PTDSS1: variants seen among roughly 807,000 people sequenced by gnomAD.
The protein encoded by PTDSS1 is PSS-1.
Under a neutral mutation model 70.5 loss-of-function variants are expected in PTDSS1, and 45 were observed. The ratio of observed to expected loss-of-function variants is 0.64; its 90% CI spans 0.50 to 0.82. PTDSS1 has a LOEUF of 0.82. PTDSS1 is among the 40% of genes least tolerant of loss of function. The probability of loss-of-function intolerance (pLI) is 0.00; values close to 1 mark genes in which losing one functional copy is unlikely to be tolerated. For missense variants in PTDSS1, 417 were observed against 586.1 expected (o/e 0.71, Z 2.98); for synonymous variants, 188 against 203.8 (o/e 0.92, Z 0.66).
Position 96,309,553 on chromosome 8 carries a change from T to C in PTDSS1, c.1008-4T>C. On this transcript the variant is annotated splice_region_variant and splice_polypyrimidine_tract_variant and intron_variant, in intron 8 of 12. Coordinates refer to ENST00000517309, the MANE Select transcript of PTDSS1 (RefSeq NM_014754.3). ...CTCAATGAATTCCAACTTTGTTCTT[T>C]CAGACAGTACTACGCTTACCTCACC... 1.9e-6 allele frequency: 3 copies of C among 1,612,802 alleles called. No homozygotes were observed. Among genetic ancestry groups the C allele is most frequent in the Non-Finnish European group, 2.5e-6 (3 of 1,179,012 alleles).
chr8:96,283,137 A>T (rs1477250162), intron 2 of PTDSS1, among the ~76,000 whole-genome samples: 39 of 151,996 alleles, frequency 2.6e-4, no homozygotes, highest in Admixed American at 2.6e-3. Flanking sequence ...AGCTGTACCT[A>T]CTCCCTTTAC....
intron 8 of PTDSS1, among the ~76,000 whole-genome samples, chr8:96,308,431 C>T (rs1408797253): frequency 6.6e-6 from 1 of 152,160 alleles, no homozygotes; most frequent in East Asian, 1.9e-4. Flanking sequence ...AACTTTAATG[C>T]AAAGTGTTAT....
At chr8:96,332,742 C>G (rs575260268) in intron 12 of PTDSS1, among the ~76,000 whole-genome samples, 1 of 152,322 alleles carries the variant, frequency 6.6e-6, no homozygotes, top group Admixed American at 6.5e-5. Flanking sequence ...ATCTCTTAGT[C>G]TAAGTCAAAT....
chr8:96,326,490 G>A (rs1033733918), intron 10 of PTDSS1, among the ~76,000 whole-genome samples: 7 of 152,220 alleles, frequency 4.6e-5, no homozygotes, highest in Admixed American at 1.3e-4. Context: ...CGGCAGCTTC[G>A]TGGAGAATAA....
At chr8:96,298,907 G>T (rs559821281) in intron 5 of PTDSS1, among the ~76,000 whole-genome samples, 259 of 152,148 alleles carry the variant, frequency 1.7e-3, no homozygotes, top group African/African-American at 5.9e-3. Context: ...GGGCATGGTG[G>T]TGTGTGCTTA....
intron 9 of PTDSS1, among the ~76,000 whole-genome samples, chr8:96,311,455 ACT>A (rs1288552082): frequency 6.6e-6 from 1 of 152,226 alleles, no homozygotes; most frequent in Non-Finnish European, 1.5e-5. Context: ...TCTAGAAGGA[ACT>A]AAAGATCACC....
At chr8:96,324,631 C>T (rs918143555) in intron 10 of PTDSS1, among the ~76,000 whole-genome samples, 4 of 152,130 alleles carry the variant, frequency 2.6e-5, no homozygotes, top group African/African-American at 7.2e-5. Context: ...TTATCAGGAA[C>T]CCACTCCCAA....
chr8:96,297,539 G>A (rs1287376392), intron 5 of PTDSS1, among the ~76,000 whole-genome samples: 2 of 152,192 alleles, frequency 1.3e-5, no homozygotes, highest in African/African-American at 4.8e-5. Context: ...CAGGTTCACC[G>A]GCCCCTGCCT....
chr8:96,333,934 T>C lies in PTDSS1; in HGVS notation c.*368T>C. On this transcript the variant is annotated 3_prime_UTR_variant, in exon 13 of 13. Transcript: ENST00000517309. ...AAACATCTTCCTTCAGACGAGGCAT[T>C]AACCCCATGGTTAATGGACTGGTCA... 1.7e-6 allele frequency: 1 copy of C among 578,802 alleles called. No individual in the cohort carries two copies. Among genetic ancestry groups the C allele is most frequent in the Non-Finnish European group, 3.1e-6 (1 of 325,268 alleles). The allele number at this position is 578,802 out of a possible 1,614,324, so 35.9% of individuals were successfully genotyped here.
rs769236117 is a variant in PTDSS1 at position 96,309,581 on chromosome 8, C to T, written c.1032C>T (p.Asp344=). ...GACAGTACTACGCTTACCTCACCGA[C>T]ACACAGTGCAAGCGCGTAGGAACAC... is the stretch of plus-strand genomic sequence containing the variant. ...TVRQYYAYLT[D]TQCKRVGTQC... The change falls in exon 9 of 13, where the codon GAC becomes GAT. Residue 344 remains aspartate (D), a synonymous_variant. Transcript: ENST00000517309. 12 of 1,613,914 alleles carry T rather than the reference C, an allele frequency of 7.4e-6. No homozygotes were observed. Among genetic ancestry groups the T allele is most frequent in the African/African-American group, 4.0e-5 (3 of 74,896 alleles).
chr8:96,295,895 G>A (rs1396460419), intron 5 of PTDSS1, among the ~76,000 whole-genome samples: 1 of 152,162 alleles, frequency 6.6e-6, no homozygotes. Flanking sequence ...ACTTAGAGAC[G>A]TGTGCCAACT....
intron 1 of PTDSS1, among the ~76,000 whole-genome samples, chr8:96,271,378 C>T (rs1335103388): frequency 1.3e-5 from 2 of 152,022 alleles, no homozygotes; most frequent in Non-Finnish European, 2.9e-5. Context: ...AAAAAGCTTC[C>T]TTGTTTTTTT....
rs1004023054 is a variant in PTDSS1, at chr8:96,261,920, T to G, written c.-121T>G. The stretch of plus-strand genomic sequence containing the variant: ...TGTCCTTCCCTCTGCTCCCAGCCTT[T>G]GCTGGGCGCCAGACCCGGCTTTGCC... On this transcript the variant is annotated 5_prime_UTR_variant, in exon 1 of 13. Coordinates refer to ENST00000517309, the MANE Select transcript of PTDSS1 (RefSeq NM_014754.3). 1.8e-6 allele frequency: 2 copies of G among 1,082,158 alleles called. No homozygotes were observed. Among genetic ancestry groups the G allele is most frequent in the African/African-American group, 3.2e-5 (2 of 61,866 alleles). 67.0% of individuals were successfully genotyped at this position (1,082,158 alleles called of 1,614,324 possible). A position where few individuals can be genotyped will look rare whatever the true frequency, so the allele number is the denominator to read the frequency against.
At chr8:96,264,539 T>C (rs1810459952) in intron 1 of PTDSS1, among the ~76,000 whole-genome samples, 1 of 152,204 alleles carries the variant, frequency 6.6e-6, no homozygotes. Flanking sequence ...AGGTGTGGGC[T>C]TGAAATAATG....
chr8:96,271,905 A>G (rs1413637032), intron 1 of PTDSS1, among the ~76,000 whole-genome samples: 2 of 152,196 alleles, frequency 1.3e-5, no homozygotes, highest in South Asian at 4.1e-4. Flanking sequence ...TTTTTAACTT[A>G]CCATGAGTGA....
At chr8:96,290,179 T>C (rs1810882815) in intron 4 of PTDSS1, among the ~76,000 whole-genome samples, 1 of 152,196 alleles carries the variant, frequency 6.6e-6, no homozygotes. Context: ...TGGAGTGTGC[T>C]TTCAGTATAT....
chr8:96,317,878 AGTGTGTGTGTGTGTGTGTGTGTGT>A (rs10529330), intron 9 of PTDSS1, among the ~76,000 whole-genome samples: 7,390 of 139,956 alleles, frequency 0.053, 207 homozygotes, highest in South Asian at 0.063. Flanking sequence ...CTTTTGTTTC[AGTGTGTGTGTGTGTGTGTGTGTGT>A]GTGTGTGTGT....
intron 3 of PTDSS1, among the ~76,000 whole-genome samples, chr8:96,286,347 G>T (rs1455169140): frequency 6.6e-6 from 1 of 152,156 alleles, no homozygotes; most frequent in Non-Finnish European, 1.5e-5. Context: ...TTTTTAAAAT[G>T]ACACATAGTG....
At position 96,331,059 on chromosome 8, in the gene PTDSS1, C is replaced by A. The variant is rs796677792; in HGVS notation, c.1276C>A (p.Pro426Thr). 6.2e-7 allele frequency: 1 copy of A among 1,613,526 alleles called. No individual in the cohort carries two copies. Among genetic ancestry groups the A allele is most frequent in the Non-Finnish European group, 8.5e-7 (1 of 1,179,496 alleles). Residue 426 changes from proline (P) to threonine (T), a missense_variant, in exon 12 of 13, where the codon CCA becomes ACA. Physicochemically the swap from Pro to Thr is conservative, Grantham distance 38. This residue lies in a region of PTDSS1 where 107 missense variants were observed against 122.3 expected (regional missense o/e 0.88). Coordinates refer to ENST00000517309, the MANE Select transcript of PTDSS1 (RefSeq NM_014754.3). ...GGAGTGTGAAGATGGCACCTACAGTCCAGAGATCTCCTGGCATCACAGGAA... is the reference window on the plus strand; with the variant it reads ...GGAGTGTGAAGATGGCACCTACAGTACAGAGATCTCCTGGCATCACAGGAA... ...YSECEDGTYS[P>T]EISWHHRKGT... is the part of the protein sequence containing the mutation.
Sources: allele counts gnomAD v4.1 joint callset (sites outside exome capture counted in the v4.1 genomes callset), GRCh38; gene constraint gnomAD v4.1.1; regional missense constraint gnomAD v4.1.1; transcripts MANE v1.5; gene names NCBI Gene and HGNC (gene_info 2026-07-23, HGNC 2026-07-21).